CYRIA: variants seen among roughly 807,000 people sequenced by gnomAD.
The protein encoded by CYRIA is CYFIP related Rac1 interactor A.
A neutral mutation model predicts 43.9 loss-of-function variants in CYRIA; 15 were observed. The ratio of observed to expected loss-of-function variants is 0.34; its 90% CI spans 0.23 to 0.53. CYRIA has a LOEUF of 0.53. Ranked by LOEUF, CYRIA falls within the 20% of genes least tolerant of loss-of-function variation. The pLI, the probability that CYRIA is intolerant of heterozygous loss-of-function variation, is 0.94. For synonymous variants in CYRIA, 117 were observed against 136.0 expected (o/e 0.86, Z 0.97); for missense variants, 236 against 394.2 (o/e 0.60, Z 3.40).
chr2:16,550,515 T>C lies in CYRIA; in HGVS notation c.*2421A>G, dbSNP rs1666265765. Reference sequence around the variant, plus strand: ...GACCCTGGACTTCTCAGAATCCATGTACTGCTGAGTCTTGGCTTTGAGACA... The same window carrying C: ...GACCCTGGACTTCTCAGAATCCATGCACTGCTGAGTCTTGGCTTTGAGACA... On this transcript the variant is annotated 3_prime_UTR_variant, in exon 12 of 12. Coordinates refer to ENST00000381323, the MANE Select transcript of CYRIA (RefSeq NM_030797.4). 1 of 152,152 alleles carries C rather than the reference T, an allele frequency of 6.6e-6. No homozygotes were observed. The highest frequency in any genetic ancestry group is 2.4e-5 in the African/African-American group (1 of 41,440). 9.4% of individuals were successfully genotyped at this position (152,152 alleles called of 1,614,324 possible). A position where few individuals can be genotyped will look rare whatever the true frequency, so the allele number is the denominator to read the frequency against.
At chr2:16,613,959 A>C (rs866037975) in intron 2 of CYRIA, among the ~76,000 whole-genome samples, 33 of 152,190 alleles carry the variant, frequency 2.2e-4, no homozygotes, top group African/African-American at 8.0e-4. Flanking sequence ...CTTAGTAATT[A>C]TCCTCTCCAG....
chr2:16,568,647 C>T (rs1400723891), intron 3 of CYRIA, among the ~76,000 whole-genome samples: 1 of 152,090 alleles, frequency 6.6e-6, no homozygotes, highest in Admixed American at 6.6e-5. Context: ...AATCCTGTCT[C>T]CTTTTGAAAA....
At chr2:16,566,913 T>A (rs1009042805) in intron 3 of CYRIA, among the ~76,000 whole-genome samples, 1 of 152,198 alleles carries the variant, frequency 6.6e-6, no homozygotes, top group Admixed American at 6.5e-5. Flanking sequence ...ACAGATGTTA[T>A]CTTATCAAAC....
intron 2 of CYRIA, among the ~76,000 whole-genome samples, chr2:16,593,154 A>T (rs797018256): frequency 9.2e-5 from 14 of 152,284 alleles, no homozygotes; most frequent in African/African-American, 3.1e-4. Flanking sequence ...AACTCCTCTT[A>T]TAGTGTAAGA....
chr2:16,655,304 A>C (rs1352511180), intron 1 of CYRIA, among the ~76,000 whole-genome samples: 2 of 152,148 alleles, frequency 1.3e-5, no homozygotes, highest in Non-Finnish European at 2.9e-5. Flanking sequence ...TTGCCTCACC[A>C]ACCCAGGAAT....
At chr2:16,640,109 G>A (rs1282281371) in intron 1 of CYRIA, among the ~76,000 whole-genome samples, 2 of 152,166 alleles carry the variant, frequency 1.3e-5, no homozygotes, top group African/African-American at 2.4e-5. Context: ...AGGCACACCC[G>A]CATGCATGCG....
intron 3 of CYRIA, among the ~76,000 whole-genome samples, chr2:16,586,199 A>T (rs2103455359): frequency 6.6e-6 from 1 of 152,280 alleles, no homozygotes; most frequent in East Asian, 1.9e-4. Flanking sequence ...GTTGTGAATA[A>T]ATGGGACACG....
chr2:16,563,986 C>T lies in CYRIA; in HGVS notation c.298+3G>A, dbSNP rs1666838836. 6.2e-7 allele frequency: 1 copy of T among 1,606,668 alleles called. No homozygotes were observed. The highest frequency in any genetic ancestry group is 1.1e-5 in the South Asian group (1 of 90,778). Reference sequence around the variant, plus strand: ...GCCATGAAAACTACAAATACATACTCACCTAGTCTAATGGAAAACTCGTAA... The same window carrying T: ...GCCATGAAAACTACAAATACATACTTACCTAGTCTAATGGAAAACTCGTAA... On this transcript the variant is annotated splice_donor_region_variant and intron_variant, in intron 5 of 11. Transcript: ENST00000381323.
intron 2 of CYRIA, among the ~76,000 whole-genome samples, chr2:16,608,943 C>T (rs1668501557): frequency 6.6e-6 from 1 of 152,068 alleles, no homozygotes; most frequent in African/African-American, 2.4e-5. Flanking sequence ...TACAAGAGCC[C>T]ATTTATGACA....
intron 1 of CYRIA, among the ~76,000 whole-genome samples, chr2:16,637,463 T>A (rs1444233644): frequency 6.6e-6 from 1 of 152,186 alleles, no homozygotes; most frequent in South Asian, 2.1e-4. Context: ...GAAACAGCCA[T>A]CTGCAAGCCA....
intron 1 of CYRIA, among the ~76,000 whole-genome samples, chr2:16,635,971 G>A (rs1008130673): frequency 6.6e-6 from 1 of 152,100 alleles, no homozygotes; most frequent in African/African-American, 2.4e-5. Flanking sequence ...GATAAGAAAC[G>A]CGACCGACAT....
chr2:16,651,542 C>T (rs1200086138), intron 1 of CYRIA, among the ~76,000 whole-genome samples: 1 of 152,186 alleles, frequency 6.6e-6, no homozygotes, highest in Non-Finnish European at 1.5e-5. Context: ...CACCAGGTAG[C>T]ACCTTGTGAA....
At chr2:16,557,535 A>C (rs1558399895) in intron 10 of CYRIA, among the ~76,000 whole-genome samples, 1 of 135,810 alleles carries the variant, frequency 7.4e-6, no homozygotes, top group Non-Finnish European at 1.5e-5. Context: ...TGGAGACCCT[A>C]TATGTCGTAA....
intron 1 of CYRIA, among the ~76,000 whole-genome samples, chr2:16,626,341 G>A (rs1669164506): frequency 6.6e-6 from 1 of 152,062 alleles, no homozygotes; most frequent in Admixed American, 6.6e-5. Flanking sequence ...CAGCGGTCAG[G>A]AAACTTGTAC....
chr2:16,601,882 T>C (rs1668221080), intron 2 of CYRIA, among the ~76,000 whole-genome samples: 1 of 152,234 alleles, frequency 6.6e-6, no homozygotes, highest in Admixed American at 6.5e-5. Context: ...CTGTGGTTTA[T>C]GGAGAAATTC....
chr2:16,660,242 G>C (rs982684412), intron 1 of CYRIA, among the ~76,000 whole-genome samples: 1 of 152,154 alleles, frequency 6.6e-6, no homozygotes, highest in African/African-American at 2.4e-5. Context: ...TTCACCAACA[G>C]TGAAACTGAA....
chr2:16,591,075 C>T (rs1204555013), intron 2 of CYRIA, among the ~76,000 whole-genome samples: 1 of 152,066 alleles, frequency 6.6e-6, no homozygotes, highest in East Asian at 1.9e-4. Context: ...AGCAGCTCAT[C>T]AGTGAATACA....
chr2:16,608,673 G>A (rs1310770442), intron 2 of CYRIA, among the ~76,000 whole-genome samples: 1 of 151,944 alleles, frequency 6.6e-6, no homozygotes. Flanking sequence ...TACTAAGTAA[G>A]TAAGATAATG....
intron 2 of CYRIA, among the ~76,000 whole-genome samples, chr2:16,589,064 T>A (rs1484683993): frequency 6.6e-6 from 1 of 152,064 alleles, no homozygotes. Flanking sequence ...AAGTCATCAA[T>A]CCACTCATTC....
Sources: allele counts gnomAD v4.1 joint callset (sites outside exome capture counted in the v4.1 genomes callset), GRCh38; gene constraint gnomAD v4.1.1; transcripts MANE v1.5; gene names NCBI Gene and HGNC (gene_info 2026-07-23, HGNC 2026-07-21).